Variants in STK33 observed in about 807,000 individuals in gnomAD.
The protein encoded by STK33 is serine/threonine kinase 33, also known as serine/threonine-protein kinase 33.
A neutral mutation model predicts 58.0 loss-of-function variants in STK33; 52 were observed. The ratio of observed to expected loss-of-function variants is 0.90; its 90% CI spans 0.72 to 1.13. The LOEUF (loss-of-function observed/expected upper bound fraction) is 1.13, where lower values mean the gene tolerates loss of function less well. Ranked by LOEUF, STK33 falls within the 50% of genes most tolerant of loss-of-function variation. The probability of loss-of-function intolerance (pLI) is 0.00; values close to 1 mark genes in which losing one functional copy is unlikely to be tolerated. For synonymous variants in STK33, 215 were observed against 200.1 expected (o/e 1.07, Z -0.63); for missense variants, 630 against 604.2 (o/e 1.04, Z -0.45).
At chr11:8,470,500 T>A (rs74576509) in intron 6 of STK33, among the ~76,000 whole-genome samples, 1 of 152,246 alleles carries the variant, frequency 6.6e-6, no homozygotes, top group African/African-American at 2.4e-5. Context: ...TTCACTGGAA[T>A]AGCACTTTTA....
intron 6 of STK33, among the ~76,000 whole-genome samples, chr11:8,470,252 G>T (rs1055478370): frequency 2.0e-5 from 3 of 152,232 alleles, no homozygotes; most frequent in African/African-American, 4.8e-5. Context: ...AGCACTTGCT[G>T]CTTCCACCTT....
chr11:8,424,792 G>C (rs1187958150), intron 14 of STK33, among the ~76,000 whole-genome samples: 1 of 144,268 alleles, frequency 6.9e-6, no homozygotes, highest in Non-Finnish European at 1.5e-5. Context: ...GTCTTCTTTT[G>C]AGAAGTGTCC....
chr11:8,344,309 G>T, the STK33 span, among the ~76,000 whole-genome samples: 1 of 152,050 alleles, frequency 6.6e-6, no homozygotes, highest in Non-Finnish European at 1.5e-5. Context: ...TTTAGCCCAG[G>T]AGTTTGAGGC....
At chr11:8,539,870 T>C (rs1256995234) in intron 1 of STK33, among the ~76,000 whole-genome samples, 1 of 152,158 alleles carries the variant, frequency 6.6e-6, no homozygotes, top group Admixed American at 6.5e-5. Context: ...AAATAAATAA[T>C]ATTTGATGTA....
intron 1 of STK33, chr11:8,580,822 G>C (rs2030034057): frequency 6.6e-6 from 1 of 152,010 alleles, no homozygotes; most frequent in Non-Finnish European, 1.5e-5. Context: ...ACCTATCTTG[G>C]ATCTGGTAGC....
chr11:8,590,469 T>C (rs1381634254), intron 1 of STK33, among the ~76,000 whole-genome samples: 3 of 152,180 alleles, frequency 2.0e-5, no homozygotes, highest in Non-Finnish European at 2.9e-5. Context: ...TCTTTATCAA[T>C]AGAAAATTGT....
intron 14 of STK33, among the ~76,000 whole-genome samples, chr11:8,427,194 ATATCT>A (rs1942874869): frequency 6.6e-6 from 1 of 152,158 alleles, no homozygotes; most frequent in Admixed American, 6.5e-5. Context: ...ATATTTGAAA[ATATCT>A]TAATCATTCC....
intron 12 of STK33, among the ~76,000 whole-genome samples, chr11:8,436,886 C>G (rs998509855): frequency 6.6e-6 from 1 of 152,082 alleles, no homozygotes; most frequent in African/African-American, 2.4e-5. Flanking sequence ...TTAGTACAGA[C>G]AGGGTTTCAC....
At chr11:8,455,810 CAAAAAAAAA>C (rs1156835375) in intron 9 of STK33, among the ~76,000 whole-genome samples, 6 of 47,118 alleles carry the variant, frequency 1.3e-4, no homozygotes, top group South Asian at 1.0e-3. Flanking sequence ...GACTCTGTCT[CAAAAAAAAA>C]AAAAAAAAAA....
chr11:8,470,085 G>C (rs1439694377), intron 6 of STK33, among the ~76,000 whole-genome samples: 2 of 152,232 alleles, frequency 1.3e-5, no homozygotes, highest in African/African-American at 2.4e-5. Flanking sequence ...GAGTCAGTCT[G>C]TCCTTTGGGG....
At chr11:8,540,497 A>T (rs988801860) in intron 1 of STK33, among the ~76,000 whole-genome samples, 3 of 152,038 alleles carry the variant, frequency 2.0e-5, no homozygotes, top group Non-Finnish European at 4.4e-5. Context: ...GACAAATAAA[A>T]TTTTAAAAAG....
chr11:8,472,665 C>T (rs1341478285), intron 6 of STK33, among the ~76,000 whole-genome samples: 1 of 152,140 alleles, frequency 6.6e-6, no homozygotes, highest in African/African-American at 2.4e-5. Flanking sequence ...TAAAAACACA[C>T]ATTTTAATTT....
chr11:8,480,895 C>T (rs536944348), intron 1 of STK33, among the ~76,000 whole-genome samples: 42 of 152,272 alleles, frequency 2.8e-4, no homozygotes, highest in African/African-American at 9.4e-4. Context: ...TCAATAAGAT[C>T]AGGAATTTGA....
At position 8,395,521 on chromosome 11, in the gene STK33, T is replaced by G. The variant is rs1849182300; in HGVS notation, c.1345-2811A>C. On this transcript the variant is annotated intron_variant, in intron 15 of 15. Transcript: ENST00000687296. ...AGACAAATACATTCATCTACTGACA[T>G]GCTTTCTTCCTGCTTTTTATACAAA... Among the ~76,000 whole-genome samples the G allele has an allele frequency of 1.3e-5, 2 of 152,242 alleles. 1 individual carries two copies. Among genetic ancestry groups the G allele is most frequent in the Non-Finnish European group, 2.9e-5 (2 of 68,042 alleles).
At chr11:8,356,507 TCAGA>T in the STK33 span, among the ~76,000 whole-genome samples, 1 of 150,356 alleles carries the variant, frequency 6.7e-6, no homozygotes, top group East Asian at 1.9e-4. Context: ...GGGTGGGATG[TCAGA>T]CAGGGAGGTT....
chr11:8,380,560 CAAA>C, the STK33 span, among the ~76,000 whole-genome samples: 8 of 97,192 alleles, frequency 8.2e-5, no homozygotes, highest in Admixed American at 2.2e-4. Flanking sequence ...AACTCCTTCT[CAAA>C]AAAAAAAAAA....
intron 15 of STK33, among the ~76,000 whole-genome samples, chr11:8,397,687 C>T (rs188709396): frequency 2.6e-4 from 40 of 151,902 alleles, no homozygotes; most frequent in African/African-American, 8.9e-4. Context: ...AGTCTGAACC[C>T]ATGGCAAAGA....
chr11:8,344,200 C>CACACAT, the STK33 span, among the ~76,000 whole-genome samples: 1 of 147,568 alleles, frequency 6.8e-6, no homozygotes, highest in South Asian at 2.2e-4. Context: ...ACAAACAAAA[C>CACACAT]ACACACACAC....
the STK33 span, among the ~76,000 whole-genome samples, chr11:8,339,583 C>T: frequency 6.6e-6 from 1 of 152,230 alleles, no homozygotes; most frequent in Non-Finnish European, 1.5e-5. Flanking sequence ...CCAGGGATGG[C>T]CCTGCGCTCG....
Sources: gnomAD v4.1 joint callset for allele counts (sites outside exome capture counted in the v4.1 genomes callset) on GRCh38, gnomAD v4.1.1 for gene constraint, MANE v1.5 for transcripts, NCBI Gene and HGNC (gene_info 2026-07-23, HGNC 2026-07-21) for gene names.